RUBCN: variants seen among roughly 807,000 people sequenced by gnomAD.
RUBCN encodes rubicon autophagy regulator, also known as run domain Beclin-1-interacting and cysteine-rich domain-containing protein.
RUBCN carries 74 observed loss-of-function variants against 113.2 expected under a neutral mutation model. The observed-to-expected ratio is 0.65, with a 90% CI of 0.54 to 0.79. The LOEUF is 0.79. RUBCN is among the 30% of genes least tolerant of loss of function. The probability of loss-of-function intolerance (pLI) is 0.00; values close to 1 mark genes in which losing one functional copy is unlikely to be tolerated. For missense variants in RUBCN, 1,109 were observed against 1,251.7 expected, an observed-to-expected ratio of 0.89 and a Z score of 1.72; for synonymous variants, 480 against 490.0, an observed-to-expected ratio of 0.98 and a Z score of 0.27.
At chr3:197,690,592 C>T (rs980214559) in intron 11 of RUBCN, among the ~76,000 whole-genome samples, 2 of 152,190 alleles carry the variant, frequency 1.3e-5, no homozygotes, top group African/African-American at 4.8e-5. Flanking sequence ...AGCAGTAAAT[C>T]CTACTTGTAC....
chr3:197,682,699 G>A (rs568116400), intron 13 of RUBCN, 84 bp from the exon 14 acceptor site: 6 of 1,581,342 alleles, frequency 3.8e-6, no homozygotes, highest in Non-Finnish European at 5.2e-6. Context: ...GTCAGGGATG[G>A]GCAGGAGAAA....
chr3:197,708,875 T>A (rs190380144), intron 2 of RUBCN, among the ~76,000 whole-genome samples: 1 of 152,206 alleles, frequency 6.6e-6, no homozygotes, highest in African/African-American at 2.4e-5. Flanking sequence ...CTATAAAGAG[T>A]TGATACTGAA....
chr3:197,687,402 C>T (rs1199298169), intron 11 of RUBCN, among the ~76,000 whole-genome samples: 1 of 152,240 alleles, frequency 6.6e-6, no homozygotes, highest in African/African-American at 2.4e-5. Flanking sequence ...TGCCAGCTAT[C>T]AATTTATTGT....
Position 197,701,830 on chromosome 3 carries a change from G to C in RUBCN, c.605C>G (p.Thr202Arg), listed in dbSNP as rs771651868. ...ARKHESPLLV[T>R]KSQSLTALPS... ...CAGGGCTGTCAGGCTCTGGCTCTTT[G>C]TCACCAGGAGCGGGCTCTCGTGCTT... The change falls in exon 6 of 20, where the codon ACA becomes AGA. Residue 202 changes from threonine to arginine, a missense_variant. Around this residue, in one of 3 missense-constraint regions of RUBCN, gnomAD observed 736 missense variants for 779.6 expected, o/e 0.94. Coordinates refer to ENST00000296343, the MANE Select transcript of RUBCN (RefSeq NM_014687.4). 4 of 1,614,190 alleles carry C rather than the reference G, an allele frequency of 2.5e-6. No individual in the cohort carries two copies. The East Asian group carries it at 8.9e-5, about 36-fold the overall frequency.
intron 11 of RUBCN, among the ~76,000 whole-genome samples, chr3:197,684,855 A>G (rs1432799161): frequency 1.3e-5 from 2 of 152,012 alleles, no homozygotes; most frequent in African/African-American, 4.8e-5. Flanking sequence ...ATATTTCACC[A>G]CTGTTGCCAT....
chr3:197,669,695 A>G lies in RUBCN; in HGVS notation c.*5323T>C, dbSNP rs1049604018. On this transcript the variant is annotated 3_prime_UTR_variant, in exon 20 of 20. Transcript: ENST00000296343. ...GAATCACTAATTCCAGTCCACCCTC[A>G]ATGGGAGAAGGAATTAAACTCCACC... is the stretch of plus-strand genomic sequence containing the variant. Among the ~76,000 whole-genome samples the G allele has an allele frequency of 2.6e-5, 4 of 152,190 alleles. No individual in the cohort carries two copies. The highest frequency in any genetic ancestry group is 5.9e-5 in the Non-Finnish European group (4 of 68,034).
In RUBCN at chr3:197,682,383, G is replaced by A. The variant is rs568859922; in HGVS notation, c.2126+87C>T. 8.7e-6 allele frequency: 13 copies of A among 1,494,012 alleles called. No individual in the cohort carries two copies. In the South Asian group the frequency reaches 1.5e-4, roughly 17 times the overall value. 92.5% of individuals were successfully genotyped at this position (1,494,012 alleles called of 1,614,324 possible). ...GAACGGTGTGGGAAGGACAGCTGGA[G>A]GCAGGGACAAGTGGGTGAGACGAAA... On this transcript the variant is annotated intron_variant, in intron 14 of 19. Transcript: ENST00000296343.
At chr3:197,714,833 TA>T (rs1197017782) in intron 2 of RUBCN, among the ~76,000 whole-genome samples, 1 of 152,044 alleles carries the variant, frequency 6.6e-6, no homozygotes, top group Non-Finnish European at 1.5e-5. Context: ...AGGAGGATAC[TA>T]AACCCCAGTG....
chr3:197,707,249 A>G (rs1724413449), intron 2 of RUBCN, among the ~76,000 whole-genome samples: 1 of 151,824 alleles, frequency 6.6e-6, no homozygotes, highest in Non-Finnish European at 1.5e-5. Flanking sequence ...GGAGAATGGC[A>G]TGAACCCGGG....
At chr3:197,696,282 G>C (rs1175026471) in intron 8 of RUBCN, among the ~76,000 whole-genome samples, 1 of 151,546 alleles carries the variant, frequency 6.6e-6, no homozygotes, top group African/African-American at 2.4e-5. Context: ...TGAGGCAGGA[G>C]AATCATCTGA....
chr3:197,693,391 A>G (rs886531662), intron 11 of RUBCN, among the ~76,000 whole-genome samples: 4 of 152,154 alleles, frequency 2.6e-5, no homozygotes, highest in Non-Finnish European at 4.4e-5. Flanking sequence ...AGAGAATAGG[A>G]TTCTAATTTC....
intron 14 of RUBCN, 151 bp downstream of exon 14, chr3:197,682,319 C>G: frequency 1.1e-6 from 1 of 941,524 alleles, no homozygotes; most frequent in Non-Finnish European, 1.6e-6. Context: ...AAACGAAGGA[C>G]CAAATGGACG....
At chr3:197,700,341 C>T (rs1001385751) in intron 7 of RUBCN, 1 of 519,024 alleles carries the variant, frequency 1.9e-6, no homozygotes, top group Non-Finnish European at 3.4e-6. Context: ...AAAACTCGCA[C>T]TATGAGTCAC....
chr3:197,681,218 G>A lies in RUBCN; in HGVS notation c.2341C>T (p.Leu781Phe). ...YYVSNFSKDL[L>F]IKIWNDPLFN... is the part of the protein sequence containing the mutation. Reference sequence around the variant, plus strand: ...AGAGGATCATTCCAGATCTTAATGAGCAGGTCCTTGGAGAAGTTGCTGACG... The same window carrying A: ...AGAGGATCATTCCAGATCTTAATGAACAGGTCCTTGGAGAAGTTGCTGACG... Residue 781 changes from leucine to phenylalanine, a missense_variant, in exon 16 of 20, where the codon CTC becomes TTC. Coordinates refer to ENST00000296343, the MANE Select transcript of RUBCN (RefSeq NM_014687.4). The surrounding 1 kb of genome is among the most constrained non-coding windows in gnomAD (Gnocchi z 5.5). The A allele has an allele frequency of 6.2e-7, 1 of 1,614,136 alleles. No individual in the cohort carries two copies. The highest frequency in any genetic ancestry group is 8.5e-7 in the Non-Finnish European group (1 of 1,180,000).
intron 1 of RUBCN, among the ~76,000 whole-genome samples, chr3:197,725,483 C>G (rs570831937): frequency 1.3e-5 from 2 of 149,472 alleles, no homozygotes; most frequent in Admixed American, 6.7e-5. Flanking sequence ...ATGTAACCAT[C>G]GGCCAGTCCC....
chr3:197,711,740 G>A (rs140546949), intron 2 of RUBCN, among the ~76,000 whole-genome samples: 167 of 152,202 alleles, frequency 1.1e-3, no homozygotes, highest in African/African-American at 3.9e-3. Flanking sequence ...TATGTGATCA[G>A]AAGGGAGCAA....
At chr3:197,732,054 C>T (rs1375800915) in intron 1 of RUBCN, among the ~76,000 whole-genome samples, 3 of 152,222 alleles carry the variant, frequency 2.0e-5, no homozygotes, top group Non-Finnish European at 4.4e-5. Flanking sequence ...ATGCTATTAA[C>T]AGAGATCAGA....
At position 197,674,894 on chromosome 3, in the gene RUBCN, AAGAT is replaced by A. The variant is rs1247319079; in HGVS notation, c.*120_*123del. 3 of 790,720 alleles carry A rather than the reference AAGAT, an allele frequency of 3.8e-6. No individual in the cohort carries two copies. The highest frequency in any genetic ancestry group is 5.7e-6 in the Non-Finnish European group (3 of 526,380). 49.0% of individuals were successfully genotyped at this position (790,720 alleles called of 1,614,324 possible). A position where few individuals can be genotyped will look rare whatever the true frequency, so the allele number is the denominator to read the frequency against. Reference sequence around the variant, plus strand: ...AGACAAGTCAGTAAAAAAAAAAAAAAAGATGATGATAATTAAAAAAAAAAAAAAA... The same window carrying A: ...AGACAAGTCAGTAAAAAAAAAAAAAAGATGATAATTAAAAAAAAAAAAAAA... On this transcript the variant is annotated 3_prime_UTR_variant, in exon 20 of 20. Coordinates refer to ENST00000296343, the MANE Select transcript of RUBCN (RefSeq NM_014687.4).
At chr3:197,703,119 C>A (rs994462193) in intron 5 of RUBCN, among the ~76,000 whole-genome samples, 5 of 152,020 alleles carry the variant, frequency 3.3e-5, no homozygotes, top group African/African-American at 1.2e-4. Flanking sequence ...TGAAAGCTGG[C>A]CGGGCGCGGT....
Sources: allele counts gnomAD v4.1 joint callset (sites outside exome capture counted in the v4.1 genomes callset), GRCh38; gene constraint gnomAD v4.1.1; regional missense constraint gnomAD v4.1.1; non-coding constraint Gnocchi (gnomAD v3.1); transcripts MANE v1.5; gene names NCBI Gene and HGNC (gene_info 2026-07-23, HGNC 2026-07-21).